The following FRMD5 variants were observed in gnomAD, a reference collection of about 807,000 sequenced individuals.
FRMD5 encodes FERM domain-containing protein 5.
A neutral mutation model predicts 69.0 loss-of-function variants in FRMD5; 20 were observed. That is an observed-to-expected ratio of 0.29 (90% CI 0.20 to 0.42). FRMD5 has a LOEUF of 0.42. FRMD5 is among the 10% of genes least tolerant of loss of function. The pLI is 1.00. For synonymous variants in FRMD5, 271 were observed against 260.1 expected (o/e 1.04, Z -0.40); for missense variants, 595 against 708.6 (o/e 0.84, Z 1.82).
chr15:43,876,559 T>G (rs2088364473), intron 13 of FRMD5, among the ~76,000 whole-genome samples: 1 of 152,212 alleles, frequency 6.6e-6, no homozygotes. Context: ...AAGGGGAATA[T>G]GTCATGCCTA....
intron 1 of FRMD5, among the ~76,000 whole-genome samples, chr15:44,176,969 TAAAAAA>T (rs56687595): frequency 3.6e-5 from 5 of 137,486 alleles, no homozygotes; most frequent in African/African-American, 1.4e-4. Context: ...ATAAAATATG[TAAAAAA>T]AAAAAAAAAA....
intron 1 of FRMD5, among the ~76,000 whole-genome samples, chr15:44,189,046 T>G (rs2078149719): frequency 6.6e-6 from 1 of 152,138 alleles, no homozygotes; most frequent in Non-Finnish European, 1.5e-5. Context: ...TGTGGCCCAA[T>G]TATTTTGCCT....
At chr15:43,941,332 C>A (rs2089859893) in intron 1 of FRMD5, among the ~76,000 whole-genome samples, 1 of 152,200 alleles carries the variant, frequency 6.6e-6, no homozygotes, top group Non-Finnish European at 1.5e-5. Flanking sequence ...CTTACTGCAG[C>A]CACAAACTCC....
chr15:43,908,320 C>A (rs1355051083), intron 5 of FRMD5, among the ~76,000 whole-genome samples: 1 of 86,788 alleles, frequency 1.2e-5, no homozygotes, highest in Admixed American at 1.5e-4. Flanking sequence ...AGAGCCAGAT[C>A]CTGTCTCAAA....
rs149054531 is a variant in FRMD5 at position 44,096,604 on chromosome 15, T to A, written c.102+98349A>T. ...TTTTAATAGAGACGAGGTTTCACCG[T>A]GTTGGCCAGGCTGGTCTTTTACTCC... On this transcript the variant is annotated intron_variant, in intron 1 of 13. Transcript: ENST00000417257. 6.5e-3 allele frequency among the ~76,000 whole-genome samples: 993 copies of A among 152,170 alleles called. 30 individuals are homozygous for A. The highest frequency in any genetic ancestry group is 0.05 in the South Asian group (240 of 4,818).
rs80040241 is a variant in FRMD5, at chr15:43,996,976, A to G, written c.103-72667T>C. Among the ~76,000 whole-genome samples, 1,111 of 152,274 alleles carry G rather than the reference A, an allele frequency of 7.3e-3. 21 individuals carry two copies. The highest frequency in any genetic ancestry group is 0.026 in the African/African-American group (1,061 of 41,550). On this transcript the variant is annotated intron_variant, in intron 1 of 13. Transcript: ENST00000417257. ...TTTTAAAAAAATGATACATGCACTG[A>G]TATTTCTTTAAAGCTTTCCAATGAT...
At chr15:43,989,063 A>G in intron 1 of FRMD5, 6 of 885,004 alleles carry the variant, frequency 6.8e-6, no homozygotes, top group Non-Finnish European at 1.1e-5. Context: ...CAGTCCGCCT[A>G]GAAGCATCTG....
chr15:44,165,053 T>G (rs2077685745), intron 1 of FRMD5, among the ~76,000 whole-genome samples: 1 of 152,202 alleles, frequency 6.6e-6, no homozygotes, highest in South Asian at 2.1e-4. Context: ...TAAGCCCATT[T>G]CTGCCTGCAC....
At chr15:44,058,799 AAAG>A (rs1311882441) in intron 1 of FRMD5, among the ~76,000 whole-genome samples, 13 of 151,506 alleles carry the variant, frequency 8.6e-5, no homozygotes, top group African/African-American at 2.4e-4. Context: ...AAAAAAAAAA[AAAG>A]AAGAAGAAGA....
At chr15:43,933,198 C>G (rs1242678498) in intron 1 of FRMD5, among the ~76,000 whole-genome samples, 2 of 152,150 alleles carry the variant, frequency 1.3e-5, no homozygotes, top group African/African-American at 4.8e-5. Context: ...AGCAGCAGGA[C>G]AAACCCCGAA....
intron 1 of FRMD5, among the ~76,000 whole-genome samples, chr15:44,126,150 A>T (rs2077022290): frequency 6.6e-6 from 1 of 152,224 alleles, no homozygotes. Flanking sequence ...AATCAGTACC[A>T]GGATCATTTT....
At chr15:44,034,075 G>A (rs1290421330) in intron 1 of FRMD5, among the ~76,000 whole-genome samples, 1 of 152,194 alleles carries the variant, frequency 6.6e-6, no homozygotes, top group African/African-American at 2.4e-5. Flanking sequence ...GTCACATGGG[G>A]TTCTGGAATT....
chr15:44,054,663 C>T lies in FRMD5; in HGVS notation c.103-130354G>A, dbSNP rs552799987. The stretch of plus-strand genomic sequence containing the variant: ...TAATAATCCTCTAATTAGATTCTAC[C>T]CATATTTTAATCATATGTAAACTCT... On this transcript the variant is annotated intron_variant, in intron 1 of 13. Coordinates refer to ENST00000417257, the MANE Select transcript of FRMD5 (RefSeq NM_032892.5). Among the ~76,000 whole-genome samples the T allele has an allele frequency of 4.2e-4, 64 of 151,994 alleles. No individual in the cohort carries two copies. The South Asian group carries it at 0.01, about 24-fold the overall frequency.
At chr15:43,910,049 T>C (rs111396843) in intron 4 of FRMD5, 70 bp from the exon 5 acceptor site, 15 of 839,108 alleles carry the variant, frequency 1.8e-5, no homozygotes, top group African/African-American at 1.7e-4. Flanking sequence ...ATATGTATTG[T>C]AAGCCTATCA....
At chr15:43,906,791 CG>C (rs1450143413) in intron 5 of FRMD5, among the ~76,000 whole-genome samples, 2 of 118,260 alleles carry the variant, frequency 1.7e-5, no homozygotes, top group Admixed American at 1.6e-4. Context: ...TTAGTAGAGA[CG>C]GGGTTTCACC....
chr15:43,897,339 T>C (rs908792797), intron 7 of FRMD5, among the ~76,000 whole-genome samples: 4 of 151,514 alleles, frequency 2.6e-5, no homozygotes, highest in African/African-American at 9.7e-5. Context: ...AATACAAAAT[T>C]AGCTGGGCGT....
At chr15:43,899,656 C>T (rs2088997612) in intron 7 of FRMD5, among the ~76,000 whole-genome samples, 3 of 152,380 alleles carry the variant, frequency 2.0e-5, no homozygotes. Flanking sequence ...CCCTCCCTCC[C>T]TCTTTCCTTC....
At chr15:44,162,967 G>T (rs561825660) in intron 1 of FRMD5, among the ~76,000 whole-genome samples, 6 of 151,190 alleles carry the variant, frequency 4.0e-5, no homozygotes, top group Non-Finnish European at 8.8e-5. Flanking sequence ...GAGATCAGGA[G>T]ATCGAGACCA....
At chr15:43,927,573 A>T (rs144141174) in intron 1 of FRMD5, among the ~76,000 whole-genome samples, 2 of 152,314 alleles carry the variant, frequency 1.3e-5, no homozygotes, top group East Asian at 1.9e-4. Context: ...GGAGCAGAGG[A>T]AACATGTTCC....
Sources: allele counts gnomAD v4.1 joint callset (sites outside exome capture counted in the v4.1 genomes callset), GRCh38; gene constraint gnomAD v4.1.1; transcripts MANE v1.5; gene names NCBI Gene and HGNC (gene_info 2026-07-23, HGNC 2026-07-21).